SERPINE2: variants seen among roughly 807,000 people sequenced by gnomAD.
The protein encoded by SERPINE2 is glia-derived nexin.
SERPINE2 carries 14 observed loss-of-function variants against 36.3 expected under a neutral mutation model. The observed-to-expected ratio is 0.39, with a 90% CI of 0.25 to 0.60. The LOEUF is 0.60. Ranked by LOEUF, SERPINE2 falls within the 20% of genes least tolerant of loss-of-function variation. The pLI, the probability that SERPINE2 is intolerant of heterozygous loss-of-function variation, is 0.57. For synonymous variants in SERPINE2, 192 were observed against 191.8 expected (o/e 1.00, Z -0.01); for missense variants, 418 against 499.6 (o/e 0.84, Z 1.56).
chr2:223,976,051 G>T, intron 8 of SERPINE2, 147 bp from the exon 9 acceptor site: 1 of 596,014 alleles, frequency 1.7e-6, no homozygotes, highest in Non-Finnish European at 2.8e-6. Context: ...CAGTGGTAGA[G>T]ATGGTCTATA....
At chr2:224,015,079 C>G (rs540442256) in intron 1 of SERPINE2, among the ~76,000 whole-genome samples, 1 of 151,612 alleles carries the variant, frequency 6.6e-6, no homozygotes, top group African/African-American at 2.4e-5. Flanking sequence ...GTGGCATCTG[C>G]TAGGTGGGGG....
At position 224,008,118 on chromosome 2, in the gene SERPINE2, T is replaced by C. The variant is rs139198948; in HGVS notation, c.-22-6196A>G. On this transcript the variant is annotated intron_variant, in intron 1 of 8. Transcript: ENST00000409304. ...GCTGTAGGGACTGATCAGATTCAAG[T>C]CAATTTTCTCTTTTTGTAAGAATAT... Among the ~76,000 whole-genome samples the C allele has an allele frequency of 3.1e-3, 476 of 152,320 alleles. 3 individuals are homozygous for C. The highest frequency in any genetic ancestry group is 0.024 in the Middle Eastern group (7 of 294).
At chr2:224,021,395 C>T (rs540456361) in intron 1 of SERPINE2, among the ~76,000 whole-genome samples, 2 of 152,230 alleles carry the variant, frequency 1.3e-5, no homozygotes, top group East Asian at 1.9e-4. Flanking sequence ...GGGCCTACAT[C>T]AAGAGGGAAG....
chr2:224,018,771 C>G (rs1283083079), intron 1 of SERPINE2, among the ~76,000 whole-genome samples: 1 of 152,158 alleles, frequency 6.6e-6, no homozygotes, highest in African/African-American at 2.4e-5. Context: ...AAGCCAAAGT[C>G]TGGAAACTGT....
intron 1 of SERPINE2, chr2:224,038,594 C>T (rs1352844547): frequency 3.3e-6 from 4 of 1,210,754 alleles, no homozygotes; most frequent in South Asian, 1.3e-5. Flanking sequence ...AAGTTAAAGG[C>T]TTTCCCCACA....
chr2:224,015,206 A>T (rs1473313606), intron 1 of SERPINE2, among the ~76,000 whole-genome samples: 1 of 152,206 alleles, frequency 6.6e-6, no homozygotes, highest in Non-Finnish European at 1.5e-5. Flanking sequence ...TCTAGAGGGG[A>T]AACAGACCTT....
At chr2:223,992,030 A>C in intron 3 of SERPINE2, 30 bp from the exon 4 acceptor site, 1 of 1,605,250 alleles carries the variant, frequency 6.2e-7, no homozygotes, top group Non-Finnish European at 8.5e-7. Flanking sequence ...ACAAGGGAAA[A>C]ATAACCTCAG....
intron 4 of SERPINE2, among the ~76,000 whole-genome samples, chr2:223,989,749 T>C (rs1206849319): frequency 6.6e-6 from 1 of 152,204 alleles, no homozygotes; most frequent in African/African-American, 2.4e-5. Flanking sequence ...CTGTTCGCCG[T>C]GTTTACTTGT....
intron 2 of SERPINE2, among the ~76,000 whole-genome samples, chr2:223,999,485 G>C (rs1301672573): frequency 1.3e-5 from 2 of 151,758 alleles, no homozygotes; most frequent in Non-Finnish European, 3.0e-5. Context: ...ACACGGGGGA[G>C]GGGGGCAGTC....
chr2:224,012,999 T>C (rs559462024), intron 1 of SERPINE2, among the ~76,000 whole-genome samples: 4 of 152,196 alleles, frequency 2.6e-5, no homozygotes, highest in Non-Finnish European at 5.9e-5. Flanking sequence ...GACCATTTCA[T>C]GTTGAGTTTT....
chr2:224,005,996 T>C (rs1262658334), intron 1 of SERPINE2, among the ~76,000 whole-genome samples: 1 of 152,230 alleles, frequency 6.6e-6, no homozygotes, highest in African/African-American at 2.4e-5. Flanking sequence ...GGAATGTTTA[T>C]GAAATAGCTG....
intron 1 of SERPINE2, chr2:224,038,434 A>T (rs774379410): frequency 6.8e-5 from 99 of 1,458,006 alleles, no homozygotes; most frequent in Non-Finnish European, 8.9e-5. Flanking sequence ...CAGTTTGTGG[A>T]CACATTAAAT....
intron 1 of SERPINE2, among the ~76,000 whole-genome samples, chr2:224,006,252 T>A (rs1691419140): frequency 1.3e-5 from 2 of 152,290 alleles, no homozygotes; most frequent in African/African-American, 4.8e-5. Context: ...CTTTCAACAG[T>A]TTGCTACCTG....
At chr2:224,038,370 T>C in intron 1 of SERPINE2, 1 of 798,330 alleles carries the variant, frequency 1.3e-6, no homozygotes, top group African/African-American at 1.7e-5. Context: ...GCATCTTCCA[T>C]AATACCTGAA....
intron 1 of SERPINE2, among the ~76,000 whole-genome samples, chr2:224,029,648 G>A (rs1314232106): frequency 6.6e-6 from 1 of 152,204 alleles, no homozygotes; most frequent in Non-Finnish European, 1.5e-5. Context: ...TACCCTTGCA[G>A]AGACCTAAAT....
intron 1 of SERPINE2, chr2:224,010,382 G>GGTCC: frequency 1.0e-6 from 1 of 984,750 alleles, no homozygotes; most frequent in Non-Finnish European, 1.2e-6. Context: ...ACATCCAAAT[G>GGTCC]GTCCCTTCAA....
At chr2:224,032,793 A>G (rs1367923311) in intron 1 of SERPINE2, among the ~76,000 whole-genome samples, 1 of 152,250 alleles carries the variant, frequency 6.6e-6, no homozygotes, top group Non-Finnish European at 1.5e-5. Context: ...ATCCTAGGAC[A>G]TGTTTGCCAA....
Position 223,998,342 on chromosome 2 carries a change from C to T in SERPINE2, c.260G>A (p.Gly87Glu), listed in dbSNP as rs1574826415. 1 of 1,604,458 alleles carries T rather than the reference C, an allele frequency of 6.2e-7. No individual in the cohort carries two copies. The highest frequency in any genetic ancestry group is 8.5e-7 in the Non-Finnish European group (1 of 1,171,444). The change falls in exon 3 of 9, where the codon GGA (glycine) becomes GAA (glutamate). Residue 87 changes from glycine (G) to glutamate (E), a missense_variant and splice_region_variant. By Grantham distance (98) the Gly-to-Glu change is moderately conservative (BLOSUM62 -2). Coordinates refer to ENST00000409304, the MANE Select transcript of SERPINE2 (RefSeq NM_001136528.2). ...LAMVMRYGVN[G>E]VGKILKKINK... ...GATCTTCTTTAATATTTTACCAACT[C>T]CTAAAAGAGAAATCAGAAGATACAG...
At chr2:224,007,656 A>G (rs1451785934) in intron 1 of SERPINE2, among the ~76,000 whole-genome samples, 2 of 152,224 alleles carry the variant, frequency 1.3e-5, no homozygotes, top group Non-Finnish European at 2.9e-5. Context: ...TTTATAGTAT[A>G]TTTGAATTAC....
Sources: gnomAD v4.1 joint callset for allele counts (sites outside exome capture counted in the v4.1 genomes callset) on GRCh38, gnomAD v4.1.1 for gene constraint, MANE v1.5 for transcripts, NCBI Gene and HGNC (gene_info 2026-07-23, HGNC 2026-07-21) for gene names.